The following EFHC1 variants were observed in gnomAD, a reference collection of about 807,000 sequenced individuals.
The protein encoded by EFHC1 is EF-hand domain-containing protein 1.
A neutral mutation model predicts 69.9 loss-of-function variants in EFHC1; 53 were observed. That is an observed-to-expected ratio of 0.76 (90% confidence interval 0.61 to 0.95). The LOEUF is 0.95. Among genes scored for constraint, EFHC1 ranks in the 40% least tolerant of loss-of-function variants. The probability of loss-of-function intolerance (pLI) is 0.00; values close to 1 mark genes in which losing one functional copy is unlikely to be tolerated. For synonymous variants in EFHC1, 256 were observed against 278.4 expected (o/e 0.92, Z 0.80); for missense variants, 739 against 798.7 (o/e 0.93, Z 0.90).
chr6:52,493,777 CT>C lies in EFHC1; in HGVS notation c.*1437del, dbSNP rs1765974367. ...GACTGGCTTTTTACAAACAGGGCTTCTCTTTGGTTGAAGTCAGCCACTAAGT... is the reference window on the plus strand; with the variant it reads ...GACTGGCTTTTTACAAACAGGGCTTCCTTTGGTTGAAGTCAGCCACTAAGT... On this transcript the variant is annotated 3_prime_UTR_variant, in exon 11 of 11. Transcript: ENST00000371068. The C allele has an allele frequency of 2.2e-6, 1 of 453,946 alleles. No homozygotes were observed. Among genetic ancestry groups the C allele is most frequent in the Admixed American group, 2.3e-5 (1 of 42,554 alleles). The allele number at this position is 453,946 out of a possible 1,614,324, so 28.1% of individuals were successfully genotyped here. A position where few individuals can be genotyped will look rare whatever the true frequency, so the allele number is the denominator to read the frequency against.
rs760238186 is a variant in EFHC1, at chr6:52,469,437, G to T, written c.1242G>T (p.Val414=). 6.2e-7 allele frequency: 1 copy of T among 1,613,984 alleles called. No individual in the cohort carries two copies. The highest frequency in any genetic ancestry group is 8.5e-7 in the Non-Finnish European group (1 of 1,179,940). ...APKKDVIKML[V]NDNKVLRYLA... ...AAAAAGACGTTATTAAAATGCTGGT[G>T]AATGATAACAAGGTGCTTCGTTATT... Residue 414 remains valine (V), a synonymous_variant, in exon 7 of 11, where the codon GTG becomes GTT. Coordinates refer to ENST00000371068, the MANE Select transcript of EFHC1 (RefSeq NM_018100.4).
chr6:52,451,862 CT>C (rs1379836152), intron 3 of EFHC1, among the ~76,000 whole-genome samples: 1 of 151,182 alleles, frequency 6.6e-6, no homozygotes, highest in African/African-American at 2.4e-5. Flanking sequence ...TCTTTTTTTT[CT>C]TTTTTGGTGA....
intron 3 of EFHC1, among the ~76,000 whole-genome samples, chr6:52,441,515 T>C (rs544220825): frequency 4.6e-4 from 70 of 152,290 alleles, no homozygotes; most frequent in Non-Finnish European, 9.6e-4. Context: ...CCCTGTAGTA[T>C]AGTTTGAAGG....
chr6:52,493,360 C>CTATATATATATATA lies in EFHC1; in HGVS notation c.*1020_*1021insATATATATATATAT. On this transcript the variant is annotated 3_prime_UTR_variant, in exon 11 of 11. Transcript: ENST00000371068. ...TTCTTATAACTCTCTCTTTCTCTCT[C>CTATATATATATATA]TCTACATATATATATATATATATAT... The CTATATATATATATA allele has an allele frequency of 4.5e-6, 1 of 221,480 alleles. No homozygotes were observed. The highest frequency in any genetic ancestry group is 8.6e-6 in the Non-Finnish European group (1 of 115,864). The allele number at this position is 221,480 out of a possible 1,614,324, so 13.7% of individuals were successfully genotyped here. A position where few individuals can be genotyped will look rare whatever the true frequency, so the allele number is the denominator to read the frequency against.
intron 5 of EFHC1, among the ~76,000 whole-genome samples, chr6:52,464,157 C>T (rs990081710): frequency 6.6e-6 from 1 of 152,202 alleles, no homozygotes; most frequent in Non-Finnish European, 1.5e-5. Context: ...CAATCTTAAA[C>T]AAGTTAATCC....
chr6:52,486,824 T>C (rs1166362161), intron 9 of EFHC1: 1 of 152,236 alleles, frequency 6.6e-6, no homozygotes. Context: ...TTTGACTTTT[T>C]TTAATGACTG....
At chr6:52,461,351 A>G (rs1765161916) in intron 5 of EFHC1, among the ~76,000 whole-genome samples, 1 of 152,198 alleles carries the variant, frequency 6.6e-6, no homozygotes, top group Non-Finnish European at 1.5e-5. Context: ...TTAGTTTGCT[A>G]AAGATAATGG....
intron 5 of EFHC1, among the ~76,000 whole-genome samples, chr6:52,458,254 T>A (rs568566199): frequency 1.3e-5 from 2 of 150,774 alleles, no homozygotes; most frequent in Non-Finnish European, 3.0e-5. Context: ...TGAGACCCTG[T>A]CTCAGAGCAG....
intron 3 of EFHC1, among the ~76,000 whole-genome samples, chr6:52,451,562 TA>T (rs1362758824): frequency 6.6e-6 from 1 of 152,220 alleles, no homozygotes; most frequent in Non-Finnish European, 1.5e-5. Flanking sequence ...TAGCTGCTTT[TA>T]ACATTCTTTC....
chr6:52,477,488 G>T (rs1348564982), intron 7 of EFHC1, among the ~76,000 whole-genome samples: 1 of 152,156 alleles, frequency 6.6e-6, no homozygotes, highest in Non-Finnish European at 1.5e-5. Context: ...CTTAGGGGTT[G>T]TGTGATCACT....
At chr6:52,480,106 G>A (rs1351582082) in intron 9 of EFHC1, 1 of 565,968 alleles carries the variant, frequency 1.8e-6, no homozygotes, top group Non-Finnish European at 3.1e-6. Flanking sequence ...TTGACTGTAA[G>A]CCTTACTGAT....
intron 2 of EFHC1, among the ~76,000 whole-genome samples, chr6:52,436,879 T>C (rs1212901753): frequency 6.6e-6 from 1 of 152,186 alleles, no homozygotes; most frequent in Admixed American, 6.5e-5. Context: ...TTAACTCAGG[T>C]GATCTGCCTG....
chr6:52,454,669 C>T (rs575220278), intron 5 of EFHC1, among the ~76,000 whole-genome samples: 2 of 152,328 alleles, frequency 1.3e-5, no homozygotes, highest in Admixed American at 6.5e-5. Flanking sequence ...GACTTTGCTT[C>T]TCACTTCAAC....
intron 7 of EFHC1, among the ~76,000 whole-genome samples, chr6:52,471,310 C>T (rs759211335): frequency 5.9e-5 from 9 of 152,274 alleles, no homozygotes; most frequent in Non-Finnish European, 1.2e-4. Context: ...CCCTGATTGT[C>T]TCAGTTTTAC....
At chr6:52,463,797 C>A (rs1042895374) in intron 5 of EFHC1, among the ~76,000 whole-genome samples, 2 of 152,120 alleles carry the variant, frequency 1.3e-5, no homozygotes, top group African/African-American at 4.8e-5. Flanking sequence ...CCATCACTTC[C>A]TGGGGAAGCT....
chr6:52,451,522 T>A (rs1764916104), intron 3 of EFHC1, among the ~76,000 whole-genome samples: 1 of 152,180 alleles, frequency 6.6e-6, no homozygotes, highest in African/African-American at 2.4e-5. Context: ...CTGATGGGGT[T>A]CCCTTTGTAC....
At position 52,494,921 on chromosome 6, in the gene EFHC1, C is replaced by T. The variant is rs1203051768; in HGVS notation, c.*2580C>T. 3 of 451,050 alleles carry T rather than the reference C, an allele frequency of 6.7e-6. No homozygotes were observed. The highest frequency in any genetic ancestry group is 6.0e-5 in the African/African-American group (3 of 49,794). The allele number at this position is 451,050 out of a possible 1,614,324, so 27.9% of individuals were successfully genotyped here. A position where few individuals can be genotyped will look rare whatever the true frequency, so the allele number is the denominator to read the frequency against. On this transcript the variant is annotated 3_prime_UTR_variant, in exon 11 of 11. Coordinates refer to ENST00000371068, the MANE Select transcript of EFHC1 (RefSeq NM_018100.4). ...AGTATTCCATGGTGTAGATATACTT[C>T]ATTTAAAAAATCTAATCCACCATTG...
At chr6:52,480,182 G>A (rs1197854506) in intron 9 of EFHC1, 5 of 332,118 alleles carry the variant, frequency 1.5e-5, no homozygotes, top group East Asian at 6.3e-5. Context: ...CTTACAATAC[G>A]GTAAGCTAGA....
chr6:52,491,164 A>G (rs1309728207), intron 10 of EFHC1, among the ~76,000 whole-genome samples: 3 of 152,202 alleles, frequency 2.0e-5, no homozygotes, highest in Non-Finnish European at 4.4e-5. Flanking sequence ...AGGAGGGCAG[A>G]TAGAAGAGTA....
Sources: gnomAD v4.1 joint callset for allele counts (sites outside exome capture counted in the v4.1 genomes callset) on GRCh38, gnomAD v4.1.1 for gene constraint, MANE v1.5 for transcripts, NCBI Gene and HGNC (gene_info 2026-07-23, HGNC 2026-07-21) for gene names.